The following EPG5 variants were observed in gnomAD, a reference collection of about 807,000 sequenced individuals.
The protein encoded by EPG5 is ectopic P-granules 5 autophagy tethering factor, also known as ectopic P granules protein 5 homolog.
In EPG5, 159 loss-of-function variants were observed where a neutral mutation model predicts 302.7. That is an observed-to-expected ratio of 0.53 (90% CI 0.46 to 0.60). EPG5 has a LOEUF of 0.60. Among genes scored for constraint, EPG5 ranks in the 20% least tolerant of loss-of-function variants. The pLI is 0.00. For synonymous variants in EPG5, 1,158 were observed against 1,136.8 expected, an observed-to-expected ratio of 1.02 and a Z score of -0.37; for missense variants, 2,896 against 3,092.4, an observed-to-expected ratio of 0.94 and a Z score of 1.51.
At chr18:45,918,731 G>A (rs750740019) in intron 16 of EPG5, among the ~76,000 whole-genome samples, 15 of 152,112 alleles carry the variant, frequency 9.9e-5, no homozygotes, top group South Asian at 2.1e-4. Flanking sequence ...AAGGCAATGT[G>A]GAAAAACACT....
the EPG5 span, among the ~76,000 whole-genome samples, chr18:45,818,409 G>A: frequency 2.0e-5 from 3 of 152,042 alleles, no homozygotes; most frequent in African/African-American, 4.8e-5. Context: ...ATGCCTAATT[G>A]TTTCTAAAGA....
chr18:45,942,258 C>T (rs538370711), intron 9 of EPG5, among the ~76,000 whole-genome samples: 207 of 152,208 alleles, frequency 1.4e-3, no homozygotes, highest in African/African-American at 4.8e-3. Flanking sequence ...CCTTTTAGGG[C>T]ATCCTATAAT....
At chr18:45,841,985 G>A in the EPG5 span, 71 of 916,834 alleles carry the variant, frequency 7.7e-5, no homozygotes, top group Non-Finnish European at 1.0e-4. Context: ...GAGCCCTGCC[G>A]GTTCCAGCCG....
chr18:45,839,041 A>G, the EPG5 span: 9 of 1,550,680 alleles, frequency 5.8e-6, no homozygotes, highest in African/African-American at 7.1e-5. Flanking sequence ...TCTCGGCTTC[A>G]AGGCGCTGCT....
chr18:45,937,740 T>C (rs1329155327), intron 10 of EPG5, among the ~76,000 whole-genome samples: 1 of 152,140 alleles, frequency 6.6e-6, no homozygotes, highest in Non-Finnish European at 1.5e-5. Context: ...TCTTTTAGTA[T>C]AGTTCAGTTT....
At chr18:45,875,743 C>CA in intron 35 of EPG5, among the ~76,000 whole-genome samples, 1 of 152,008 alleles carries the variant, frequency 6.6e-6, no homozygotes, top group East Asian at 1.9e-4. Context: ...AGCAACCTAA[C>CA]AAAAAAAGGT....
intron 15 of EPG5, 72 bp downstream of exon 15, chr18:45,923,190 ATAAGTC>A (rs1350823820): frequency 2.6e-5 from 39 of 1,496,224 alleles, no homozygotes; most frequent in Non-Finnish European, 5.5e-6. Flanking sequence ...GGTCAATAGT[ATAAGTC>A]TATCATCTTT....
At chr18:45,938,227 G>C (rs559209383) in intron 10 of EPG5, among the ~76,000 whole-genome samples, 1 of 152,260 alleles carries the variant, frequency 6.6e-6, no homozygotes, top group East Asian at 1.9e-4. Flanking sequence ...TTAGGAGGCT[G>C]AGCCGGGCAG....
chr18:45,878,405 T>C lies in EPG5; in HGVS notation c.5913A>G (p.Pro1971=). The C allele has an allele frequency of 3.1e-6, 5 of 1,612,246 alleles. No individual in the cohort carries two copies. The highest frequency in any genetic ancestry group is 4.2e-6 in the Non-Finnish European group (5 of 1,178,870). The change falls in exon 34 of 44, where the codon CCA becomes CCG. Residue 1971 remains proline (P), a synonymous_variant. Coordinates refer to ENST00000282041, the MANE Select transcript of EPG5 (RefSeq NM_020964.3). ...LHSVIIQLFK[P]WILVLEDNES... The stretch of plus-strand genomic sequence containing the variant: ...CGTTGTCCTCTAAAACCAGGATCCA[T>C]GGCTTAAAGAGCTGAATGATTACTG...
intron 29 of EPG5, 129 bp from the exon 30 acceptor site, chr18:45,884,940 CAA>C (rs1220376316): frequency 5.2e-6 from 3 of 577,468 alleles, no homozygotes; most frequent in African/African-American, 2.0e-5. Flanking sequence ...CTGAAACAAT[CAA>C]AAGACAGCTA....
At chr18:45,943,939 C>A in intron 8 of EPG5, 66 bp downstream of exon 8, 1 of 1,003,946 alleles carries the variant, frequency 1.0e-6, no homozygotes, top group South Asian at 1.4e-5. Flanking sequence ...AAAGAAGACT[C>A]AATGCAGAGT....
chr18:45,915,374 T>A lies in EPG5; in HGVS notation c.3693+137A>T, dbSNP rs1184319723. 4.6e-6 allele frequency: 3 copies of A among 651,028 alleles called. No homozygotes were observed. In the Admixed American group the frequency reaches 8.9e-5, roughly 19 times the overall value. The allele number at this position is 651,028 out of a possible 1,614,324, so 40.3% of individuals were successfully genotyped here. A position where few individuals can be genotyped will look rare whatever the true frequency, so the allele number is the denominator to read the frequency against. On this transcript the variant is annotated intron_variant, in intron 20 of 43. Coordinates refer to ENST00000282041, the MANE Select transcript of EPG5 (RefSeq NM_020964.3). Reference sequence around the variant, plus strand: ...CTCACCAAAGGGCTACTGTAAAGATTAAATGAAAAAGTATACTTACACTAG... The same window carrying A: ...CTCACCAAAGGGCTACTGTAAAGATAAAATGAAAAAGTATACTTACACTAG...
At chr18:45,847,574 A>G (rs1462139798), downstream of EPG5, 1 of 152,444 alleles carries the variant, frequency 6.6e-6, no homozygotes, top group African/African-American at 2.4e-5. Context: ...CTGTCAACCA[A>G]CTTGCAGGAA....
rs2050788624 is a variant in EPG5, at chr18:45,946,645, G to A, written c.1677+18C>T. On this transcript the variant is annotated intron_variant, in intron 7 of 43. Transcript: ENST00000282041. Reference sequence around the variant, plus strand: ...GTTCACAATGATTCATCAAAATAATGCAGATATGACAAGTTACCTCTTCTC... The same window carrying A: ...GTTCACAATGATTCATCAAAATAATACAGATATGACAAGTTACCTCTTCTC... The A allele has an allele frequency of 1.3e-6, 2 of 1,566,126 alleles. No individual in the cohort carries two copies. Among genetic ancestry groups the A allele is most frequent in the Non-Finnish European group, 1.8e-6 (2 of 1,136,674 alleles).
chr18:45,804,625 T>A, the EPG5 span, among the ~76,000 whole-genome samples: 1 of 152,124 alleles, frequency 6.6e-6, no homozygotes, highest in Admixed American at 6.5e-5. Context: ...CTCAAAGCAC[T>A]AAAAGCAATA....
chr18:45,838,090 C>T, the EPG5 span, among the ~76,000 whole-genome samples: 1 of 152,212 alleles, frequency 6.6e-6, no homozygotes, highest in Non-Finnish European at 1.5e-5. Flanking sequence ...AATGCAGAAT[C>T]CAGGTCCCAG....
chr18:45,909,095 GGTC>G (rs2049830005), intron 23 of EPG5, among the ~76,000 whole-genome samples: 1 of 152,164 alleles, frequency 6.6e-6, no homozygotes, highest in Non-Finnish European at 1.5e-5. Context: ...ACTGGGAGAT[GGTC>G]TGGCCTGACT....
At chr18:45,892,200 A>G (rs2049367323) in intron 27 of EPG5, among the ~76,000 whole-genome samples, 1 of 151,288 alleles carries the variant, frequency 6.6e-6, no homozygotes, top group African/African-American at 2.5e-5. Context: ...GCAAGTTTAG[A>G]CCCTCTCACA....
the EPG5 span, among the ~76,000 whole-genome samples, chr18:45,816,646 G>A: frequency 6.6e-6 from 1 of 152,198 alleles, no homozygotes; most frequent in Non-Finnish European, 1.5e-5. Context: ...ATGCGGCGAA[G>A]AGGGAACACT....
Sources: gnomAD v4.1 joint callset for allele counts (sites outside exome capture counted in the v4.1 genomes callset) on GRCh38, gnomAD v4.1.1 for gene constraint, MANE v1.5 for transcripts, NCBI Gene and HGNC (gene_info 2026-07-23, HGNC 2026-07-21) for gene names.